The following CSMD1 variants were observed in gnomAD, a reference collection of about 807,000 sequenced individuals.
CSMD1 encodes CUB and Sushi multiple domains 1.
CSMD1 carries 213 observed loss-of-function variants against 417.5 expected under a neutral mutation model. The ratio of observed to expected loss-of-function variants is 0.51; its 90% CI spans 0.46 to 0.57. The LOEUF (loss-of-function observed/expected upper bound fraction) is 0.57, where lower values mean the gene tolerates loss of function less well. Among genes scored for constraint, CSMD1 ranks in the 20% least tolerant of loss-of-function variants. The pLI is 0.00. For missense variants in CSMD1, 6,923 were observed against 4,529.7 expected (o/e 1.53, Z -15.17); for synonymous variants, 2,862 against 1,736.8 (o/e 1.65, Z -16.11).
chr8:3,259,689 A>C (rs1478469256), intron 26 of CSMD1, among the ~76,000 whole-genome samples: 1 of 152,156 alleles, frequency 6.6e-6, no homozygotes, highest in African/African-American at 2.4e-5. Context: ...AAATTTACTA[A>C]ATTGGTGAGT....
rs139236278 is a variant in CSMD1, at chr8:4,445,704, A to T, written c.303-25639T>A. On this transcript the variant is annotated intron_variant, in intron 2 of 69. Transcript: ENST00000635120. ...TGTCACTTTCCCACAACTTGGAAGG[A>T]ATTTCTATTTGGGGGCGTAACGTTG... Among the ~76,000 whole-genome samples the T allele has an allele frequency of 6.6e-5, 10 of 152,292 alleles. No individual in the cohort carries two copies. The East Asian group carries it at 1.7e-3, about 27-fold the overall frequency.
chr8:4,183,133 A>C (rs1433825620), intron 3 of CSMD1, among the ~76,000 whole-genome samples: 1 of 152,136 alleles, frequency 6.6e-6, no homozygotes, highest in African/African-American at 2.4e-5. Flanking sequence ...TGATAATTTT[A>C]TTTCATTTTA....
intron 11 of CSMD1, among the ~76,000 whole-genome samples, chr8:3,492,324 C>T (rs776514546): frequency 8.5e-5 from 13 of 152,144 alleles, no homozygotes; most frequent in Non-Finnish European, 1.6e-4. Context: ...CCGCCCATGG[C>T]TCCCCATGGG....
intron 39 of CSMD1, among the ~76,000 whole-genome samples, chr8:3,155,247 G>A (rs1490125829): frequency 6.6e-6 from 1 of 151,580 alleles, no homozygotes; most frequent in Non-Finnish European, 1.5e-5. Context: ...TTTAGGGAAG[G>A]CTCTTCATTT....
chr8:3,828,241 T>G (rs185962020), intron 5 of CSMD1, among the ~76,000 whole-genome samples: 21 of 152,212 alleles, frequency 1.4e-4, no homozygotes, highest in South Asian at 1.2e-3. Flanking sequence ...TCATGAAAAA[T>G]AAATGACAAC....
At chr8:4,816,469 C>T (rs1799215040) in intron 1 of CSMD1, among the ~76,000 whole-genome samples, 1 of 152,070 alleles carries the variant, frequency 6.6e-6, no homozygotes, top group Non-Finnish European at 1.5e-5. Flanking sequence ...CTCAAGTGAT[C>T]CACCCTCCTC....
intron 1 of CSMD1, among the ~76,000 whole-genome samples, chr8:4,895,556 G>A (rs1320900669): frequency 7.2e-6 from 1 of 138,910 alleles, no homozygotes. Context: ...TACTGATAAA[G>A]AAATTTTGCT....
At chr8:4,062,528 A>T (rs559059764) in intron 3 of CSMD1, among the ~76,000 whole-genome samples, 2 of 152,294 alleles carry the variant, frequency 1.3e-5, no homozygotes, top group South Asian at 4.1e-4. Context: ...ATTTTAAATC[A>T]CCTGTGGCAT....
chr8:2,997,949 T>C lies in CSMD1; in HGVS notation c.8377+62A>G, dbSNP rs116683366. 2,920 of 1,482,464 alleles carry C rather than the reference T, an allele frequency of 2.0e-3. 48 individuals carry two copies. The African/African-American group carries it at 0.036, about 18-fold the overall frequency. The allele number at this position is 1,482,464 out of a possible 1,614,324, so 91.8% of individuals were successfully genotyped here. A position where few individuals can be genotyped will look rare whatever the true frequency, so the allele number is the denominator to read the frequency against. On this transcript the variant is annotated intron_variant, in intron 54 of 69. Transcript: ENST00000635120. ...ATTCATGGAGACAGGCTCTTGATGG[T>C]GTTACTGGGCAGCCTAGAACACTCT...
chr8:4,495,851 G>A (rs1219416487), intron 2 of CSMD1, among the ~76,000 whole-genome samples: 1 of 152,092 alleles, frequency 6.6e-6, no homozygotes. Flanking sequence ...AATTATTAAT[G>A]TAAGTGGATT....
chr8:4,693,651 T>C (rs1806922937), intron 1 of CSMD1, among the ~76,000 whole-genome samples: 1 of 152,208 alleles, frequency 6.6e-6, no homozygotes. Flanking sequence ...ATCTTTCATT[T>C]TAGTATTCAT....
intron 12 of CSMD1, among the ~76,000 whole-genome samples, chr8:3,426,342 G>A (rs1027583220): frequency 3.9e-5 from 6 of 152,134 alleles, no homozygotes; most frequent in Admixed American, 1.3e-4. Context: ...TTACGTATCA[G>A]ACAGTGATCA....
intron 3 of CSMD1, among the ~76,000 whole-genome samples, chr8:4,072,110 C>T (rs541712822): frequency 9.8e-5 from 15 of 152,292 alleles, no homozygotes; most frequent in African/African-American, 1.7e-4. Context: ...ATGGATGATT[C>T]GCTATAGGCT....
At chr8:4,581,819 G>C (rs73659103) in intron 2 of CSMD1, among the ~76,000 whole-genome samples, 2 of 152,166 alleles carry the variant, frequency 1.3e-5, no homozygotes, top group Admixed American at 6.5e-5. Flanking sequence ...GAGTCAGGAA[G>C]CCTGGGAGGG....
At chr8:3,396,937 C>T (rs1434097691) in intron 16 of CSMD1, among the ~76,000 whole-genome samples, 1 of 151,988 alleles carries the variant, frequency 6.6e-6, no homozygotes, top group Non-Finnish European at 1.5e-5. Context: ...GACATTAGAA[C>T]AACCATGGGT....
chr8:3,636,444 G>A lies in CSMD1; in HGVS notation c.1010-19647C>T, dbSNP rs566648267. Among the ~76,000 whole-genome samples, 3 of 152,206 alleles carry A rather than the reference G, an allele frequency of 2.0e-5. No homozygotes were observed. In the East Asian group the frequency reaches 5.8e-4, roughly 29 times the overall value. On this transcript the variant is annotated intron_variant, in intron 7 of 69. Transcript: ENST00000635120. ...CCGCCCGCCTCAGCCTCCCACAGTG[G>A]TAGGATTACAGGTGTGAGCCACCTC...
intron 2 of CSMD1, among the ~76,000 whole-genome samples, chr8:4,471,750 C>T (rs941234158): frequency 1.3e-5 from 2 of 151,890 alleles, no homozygotes; most frequent in Admixed American, 6.6e-5. Flanking sequence ...AGAAGTTAGA[C>T]CCATTTCTTT....
At chr8:3,316,944 G>C (rs955255608) in intron 23 of CSMD1, among the ~76,000 whole-genome samples, 1 of 152,174 alleles carries the variant, frequency 6.6e-6, no homozygotes, top group African/African-American at 2.4e-5. Context: ...TTTATTTAGT[G>C]CTGGAAAGGA....
At chr8:4,065,397 A>T (rs1368181117) in intron 3 of CSMD1, among the ~76,000 whole-genome samples, 1 of 152,146 alleles carries the variant, frequency 6.6e-6, no homozygotes, top group African/African-American at 2.4e-5. Context: ...AGTCTTAAAA[A>T]TTTTTCATTT....
Sources: gnomAD v4.1 joint callset for allele counts (sites outside exome capture counted in the v4.1 genomes callset) on GRCh38, gnomAD v4.1.1 for gene constraint, MANE v1.5 for transcripts, NCBI Gene and HGNC (gene_info 2026-07-23, HGNC 2026-07-21) for gene names.